MGAT4C: variants seen among roughly 807,000 people sequenced by gnomAD.
MGAT4C encodes the protein MGAT4 family member C.
In MGAT4C, 19 loss-of-function variants were observed where a neutral mutation model predicts 40.1. The observed-to-expected ratio is 0.47, with a 90% confidence interval of 0.33 to 0.70. The LOEUF (loss-of-function observed/expected upper bound fraction) is 0.70, where lower values mean the gene tolerates loss of function less well. Ranked by LOEUF, MGAT4C falls within the 30% of genes least tolerant of loss-of-function variation. The probability of loss-of-function intolerance (pLI) is 0.02; values close to 1 mark genes in which losing one functional copy is unlikely to be tolerated. For synonymous variants in MGAT4C, 181 were observed against 187.1 expected, an observed-to-expected ratio of 0.97 and a Z score of 0.27; for missense variants, 491 against 563.2, an observed-to-expected ratio of 0.87 and a Z score of 1.30.
At chr12:86,703,673 A>G (rs1402880651) in intron 2 of MGAT4C, among the ~76,000 whole-genome samples, 1 of 152,204 alleles carries the variant, frequency 6.6e-6, no homozygotes, top group East Asian at 1.9e-4. Context: ...ACACAGGGAA[A>G]TTAAAAAATG....
chr12:85,978,135 T>C lies in MGAT4C; in HGVS notation c.*1154A>G, dbSNP rs1201565700. On this transcript the variant is annotated 3_prime_UTR_variant, in exon 5 of 5. Transcript: ENST00000611864. ...ATTTAGGACATTATTTAGGATAATATTATTTATGCAGGAATTGTACCACCT... is the reference window on the plus strand; with the variant it reads ...ATTTAGGACATTATTTAGGATAATACTATTTATGCAGGAATTGTACCACCT... 1 of 151,588 alleles carries C rather than the reference T, an allele frequency of 6.6e-6. No homozygotes were observed. The highest frequency in any genetic ancestry group is 2.4e-5 in the African/African-American group (1 of 41,368). 9.4% of individuals were successfully genotyped at this position (151,588 alleles called of 1,614,324 possible). A position where few individuals can be genotyped will look rare whatever the true frequency, so the allele number is the denominator to read the frequency against.
At chr12:86,777,889 C>A (rs1480892576) in intron 1 of MGAT4C, among the ~76,000 whole-genome samples, 2 of 152,048 alleles carry the variant, frequency 1.3e-5, no homozygotes, top group Admixed American at 6.6e-5. Context: ...ACGCAAACTA[C>A]CTATACAGAA....
At chr12:86,804,626 A>G (rs1446720704) in intron 1 of MGAT4C, among the ~76,000 whole-genome samples, 1 of 151,930 alleles carries the variant, frequency 6.6e-6, no homozygotes, top group Non-Finnish European at 1.5e-5. Flanking sequence ...ATAACACTTC[A>G]TAAGTATTTT....
chr12:86,602,010 A>G (rs565426470), intron 2 of MGAT4C, among the ~76,000 whole-genome samples: 1 of 152,124 alleles, frequency 6.6e-6, no homozygotes, highest in African/African-American at 2.4e-5. Context: ...CCTGCAGCGG[A>G]AGCCGCGGTA....
At chr12:86,269,371 C>A (rs1238411004) in intron 4 of MGAT4C, among the ~76,000 whole-genome samples, 1 of 148,400 alleles carries the variant, frequency 6.7e-6, no homozygotes, top group Admixed American at 6.7e-5. Flanking sequence ...ATTTTTTTTT[C>A]TTTTGGTCAT....
At chr12:86,184,766 T>C (rs937029477) in intron 1 of MGAT4C, among the ~76,000 whole-genome samples, 2 of 120,958 alleles carry the variant, frequency 1.7e-5, no homozygotes, top group South Asian at 2.8e-4. Context: ...AAAAAAAAAC[T>C]ATGGGAGGAC....
chr12:86,644,678 G>A (rs1319570310), intron 2 of MGAT4C, among the ~76,000 whole-genome samples: 2 of 151,668 alleles, frequency 1.3e-5, no homozygotes, highest in Non-Finnish European at 3.0e-5. Flanking sequence ...ATTGTAGACT[G>A]ACGAATAGAT....
intron 3 of MGAT4C, among the ~76,000 whole-genome samples, chr12:86,353,677 G>A (rs1314876709): frequency 6.6e-6 from 1 of 152,174 alleles, no homozygotes; most frequent in Non-Finnish European, 1.5e-5. Context: ...AATGATGGTG[G>A]CATCAGTGGA....
chr12:86,315,596 C>T (rs1327250217), intron 4 of MGAT4C, among the ~76,000 whole-genome samples: 1 of 152,080 alleles, frequency 6.6e-6, no homozygotes, highest in Admixed American at 6.6e-5. Context: ...GTCCCAGCAG[C>T]TCTGGAGGCT....
intron 1 of MGAT4C, among the ~76,000 whole-genome samples, chr12:86,080,100 T>C (rs924620873): frequency 6.6e-6 from 1 of 152,190 alleles, no homozygotes; most frequent in African/African-American, 2.4e-5. Context: ...GCATGACCCA[T>C]AGTGCCAGTG....
In MGAT4C at chr12:86,498,311, C is replaced by A. The variant is rs537498283; in HGVS notation, c.-228-63046G>T. ...AACAGAGGTTTGAACTATGTAGGTT[C>A]ACTTATATGTATATTTTTTTCCAAT... On this transcript the variant is annotated intron_variant, in intron 2 of 7. Transcript: ENST00000548651. Among the ~76,000 whole-genome samples, 5 of 151,594 alleles carry A rather than the reference C, an allele frequency of 3.3e-5. No individual in the cohort carries two copies. The South Asian group carries it at 1.0e-3, about 31-fold the overall frequency.
intron 3 of MGAT4C, among the ~76,000 whole-genome samples, chr12:85,986,721 A>G (rs1885240337): frequency 6.6e-6 from 1 of 152,200 alleles, no homozygotes; most frequent in African/African-American, 2.4e-5. Flanking sequence ...AGCAAATTGC[A>G]TACATTGTGA....
At chr12:86,009,820 C>T (rs1311529490) in intron 2 of MGAT4C, among the ~76,000 whole-genome samples, 1 of 152,142 alleles carries the variant, frequency 6.6e-6, no homozygotes, top group African/African-American at 2.4e-5. Context: ...TGCTTTCTAT[C>T]TTACTGCTGA....
intron 1 of MGAT4C, among the ~76,000 whole-genome samples, chr12:86,153,223 T>C (rs533764297): frequency 6.6e-6 from 1 of 152,284 alleles, no homozygotes; most frequent in Middle Eastern, 3.4e-3. Context: ...CTAATTCTCC[T>C]ACTCCTGGAG....
At chr12:86,209,105 G>GA in intron 1 of MGAT4C, among the ~76,000 whole-genome samples, 1 of 151,828 alleles carries the variant, frequency 6.6e-6, no homozygotes. Context: ...GTCTACAATT[G>GA]AAAAAATATG....
Position 86,768,279 on chromosome 12 carries a change from A to C in MGAT4C, c.-261-41038T>G, listed in dbSNP as rs527707416. ...ATTCCCATTCACAATTGCTTCACAG[A>C]GAATAAAATACTTAGGAATCCAACT... is the stretch of plus-strand genomic sequence containing the variant. On this transcript the variant is annotated intron_variant, in intron 1 of 7. Coordinates refer to the MGAT4C transcript ENST00000548651. Among the ~76,000 whole-genome samples the C allele has an allele frequency of 3.4e-3, 514 of 152,326 alleles. 7 individuals are homozygous for C. Among genetic ancestry groups the C allele is most frequent in the African/African-American group, 0.012 (497 of 41,546 alleles).
intron 2 of MGAT4C, among the ~76,000 whole-genome samples, chr12:86,437,421 T>C (rs1957155101): frequency 6.6e-6 from 1 of 151,758 alleles, no homozygotes; most frequent in Admixed American, 6.6e-5. Context: ...AAAGTTATTG[T>C]TGACGTCCCC....
At chr12:86,471,992 G>T (rs1957764017) in intron 2 of MGAT4C, among the ~76,000 whole-genome samples, 2 of 151,914 alleles carry the variant, frequency 1.3e-5, no homozygotes, top group African/African-American at 2.4e-5. Context: ...TCTTTTAAGT[G>T]CCAATAGTTT....
At chr12:86,774,311 C>CTTTCTTTCTTTCTTTCTTTCTTTCTT (rs1555227768) in intron 1 of MGAT4C, among the ~76,000 whole-genome samples, 7 of 40,088 alleles carry the variant, frequency 1.7e-4, no homozygotes, top group Admixed American at 7.0e-4. Flanking sequence ...TTCTTTCTTT[C>CTTTCTTTCTTTCTTTCTTTCTTTCTT]TTTCTTTCTT....
Sources: gnomAD v4.1 joint callset for allele counts (sites outside exome capture counted in the v4.1 genomes callset) on GRCh38, gnomAD v4.1.1 for gene constraint, MANE v1.5 for transcripts, NCBI Gene and HGNC (gene_info 2026-07-23, HGNC 2026-07-21) for gene names.